Variants in SKOR2 observed in about 807,000 individuals in gnomAD.
SKOR2 encodes SKI family transcriptional corepressor 2.
SKOR2 carries 47 observed loss-of-function variants against 69.1 expected under a neutral mutation model. The observed-to-expected ratio is 0.68, with a 90% CI of 0.54 to 0.87. The LOEUF (loss-of-function observed/expected upper bound fraction) is 0.87, where lower values mean the gene tolerates loss of function less well. Ranked by LOEUF, SKOR2 falls within the 40% of genes least tolerant of loss-of-function variation. The pLI is 0.00. For missense variants in SKOR2, 1,404 were observed against 1,472.2 expected, an observed-to-expected ratio of 0.95 and a Z score of 0.76; for synonymous variants, 717 against 672.6, an observed-to-expected ratio of 1.07 and a Z score of -1.02.
In SKOR2 at chr18:47,234,311, A is replaced by C. The variant is rs559614662; in HGVS notation, c.2753-3311T>G. 5 of 152,120 alleles carry C rather than the reference A, an allele frequency of 3.3e-5. No homozygotes were observed. The East Asian group carries it at 5.8e-4, about 18-fold the overall frequency. 9.4% of individuals were successfully genotyped at this position (152,120 alleles called of 1,614,324 possible). On this transcript the variant is annotated intron_variant, in intron 4 of 8. Transcript: ENST00000425639. ...AATAAACGTGATTTAGTTGACAGTGAGCTCCCAATTTTTCTAAAAATTCCT... is the reference window on the plus strand; with the variant it reads ...AATAAACGTGATTTAGTTGACAGTGCGCTCCCAATTTTTCTAAAAATTCCT...
chr18:47,249,301 A>C (rs1419570129), intron 1 of SKOR2, 71 bp from the exon 2 acceptor site: 1 of 1,297,892 alleles, frequency 7.7e-7, no homozygotes, highest in Non-Finnish European at 1.0e-6. Context: ...ATGAATCGCT[A>C]ACCAAAGAAT....
chr18:47,229,321 C>T (rs1390077486), intron 6 of SKOR2, among the ~76,000 whole-genome samples: 7 of 152,028 alleles, frequency 4.6e-5, no homozygotes, highest in South Asian at 2.1e-4. Flanking sequence ...TAAAAAAGTG[C>T]CCTGGAAAAA....
chr18:47,228,215 C>G (rs938054630), intron 6 of SKOR2, among the ~76,000 whole-genome samples: 8 of 152,216 alleles, frequency 5.3e-5, no homozygotes, highest in African/African-American at 1.9e-4. Context: ...TGTATCTAAA[C>G]CACGCATTAT....
chr18:47,217,706 T>C (rs1224498773), intron 7 of SKOR2, among the ~76,000 whole-genome samples: 1 of 152,060 alleles, frequency 6.6e-6, no homozygotes, highest in Non-Finnish European at 1.5e-5. Flanking sequence ...CAGGAAAACC[T>C]TGGGCATCTA....
chr18:47,230,427 A>G (rs1568086493), intron 6 of SKOR2, 32 bp downstream of exon 6: 2 of 1,248,622 alleles, frequency 1.6e-6, no homozygotes, highest in South Asian at 2.1e-5. Flanking sequence ...ATCAATTATC[A>G]TAAATACAAT....
At position 47,247,125 on chromosome 18, in the gene SKOR2, C is replaced by G; in HGVS notation, c.2059G>C (p.Gly687Arg). The change falls in exon 2 of 9, where the codon GGT becomes CGT. Residue 687 changes from glycine to arginine, a missense_variant. Transcript: ENST00000425639. The surrounding 1 kb of genome is among the most constrained non-coding windows in gnomAD (Gnocchi z 6.6). ...LLLPPQPDEP[G>R]SERHHPAPPP... is the part of the protein sequence containing the mutation. The stretch of plus-strand genomic sequence containing the variant: ...GGGGCCGGGTGGTGGCGCTCGGAAC[C>G]CGGCTCGTCGGGCTGCGGGGGCAGC... 7.9e-7 allele frequency: 1 copy of G among 1,271,712 alleles called. No homozygotes were observed. The highest frequency in any genetic ancestry group is 9.8e-7 in the Non-Finnish European group (1 of 1,016,040). The allele number at this position is 1,271,712 out of a possible 1,614,324, so 78.8% of individuals were successfully genotyped here.
chr18:47,250,568 A>G (rs2064307970), intron 1 of SKOR2, among the ~76,000 whole-genome samples: 2 of 152,194 alleles, frequency 1.3e-5, no homozygotes, highest in South Asian at 2.1e-4. Flanking sequence ...TCGCTATTAC[A>G]GTGCTTTCAG....
In SKOR2 at chr18:47,246,842, A is replaced by G. The variant is rs1481680568; in HGVS notation, c.2342T>C (p.Leu781Ser). Residue 781 changes from leucine to serine, a missense_variant, in exon 2 of 9, where the codon TTA becomes TCA. Leu to Ser is a moderately radical substitution (Grantham distance 145). Transcript: ENST00000425639. ...CTGGAGGAACCGGCCGCCCCCGACT[A>G]AGGGGTCGCCGAGTAGGACCTCCGT... ...EETEVLLGDP[L>S]VGGGRFLQGR... 29 of 1,477,392 alleles carry G rather than the reference A, an allele frequency of 2.0e-5. No homozygotes were observed. The highest frequency in any genetic ancestry group is 2.6e-5 in the Non-Finnish European group (29 of 1,119,928). 91.5% of individuals were successfully genotyped at this position (1,477,392 alleles called of 1,614,324 possible).
At chr18:47,212,345 G>T (rs2064130446) in intron 7 of SKOR2, among the ~76,000 whole-genome samples, 194 bp from the exon 8 acceptor site, 1 of 152,208 alleles carries the variant, frequency 6.6e-6, no homozygotes, top group Non-Finnish European at 1.5e-5. Flanking sequence ...GTACAGTGAG[G>T]ACAGAACAGG....
Position 47,247,054 on chromosome 18 carries a change from G to A in SKOR2, c.2130C>T (p.His710=). 10 of 1,465,310 alleles carry A rather than the reference G, an allele frequency of 6.8e-6. No individual in the cohort carries two copies. Among genetic ancestry groups the A allele is most frequent in the South Asian group, 1.3e-5 (1 of 75,768 alleles). 90.8% of individuals were successfully genotyped at this position (1,465,310 alleles called of 1,614,324 possible). ...GAGACAGAAGGCCTCGGTGGTGCGGGTGCTGGGCCAGAGGGGGCGGCGGGG... is the reference window on the plus strand; with the variant it reads ...GAGACAGAAGGCCTCGGTGGTGCGGATGCTGGGCCAGAGGGGGCGGCGGGG... The part of the protein sequence containing the change: ...PPPPPPPLAQ[H]PHHRGLLSPG... The change falls in exon 2 of 9, where the codon CAC becomes CAT. Residue 710 remains histidine (H), a synonymous_variant. Transcript: ENST00000425639. This position sits in a 1 kb window ranked among gnomAD's most constrained non-coding sequence, Gnocchi z 6.6.
rs1230435057 is a variant in SKOR2, at chr18:47,247,022, C to T, written c.2162G>A (p.Gly721Glu). ...PHHRGLLSPG[G>E]TSCCYPSEDS... ...CTCGCTGGGGTAGCAGCAGCTGGTT[C>T]CCCCGGGAGACAGAAGGCCTCGGTG... is the stretch of plus-strand genomic sequence containing the variant. The change falls in exon 2 of 9, where the codon GGA becomes GAA. Residue 721 changes from glycine to glutamate, a missense_variant. Physicochemically the swap from Gly to Glu is moderately conservative, Grantham distance 98. Transcript: ENST00000425639. This position sits in a 1 kb window ranked among gnomAD's most constrained non-coding sequence, Gnocchi z 6.6. 1.3e-6 allele frequency: 2 copies of T among 1,490,608 alleles called. No homozygotes were observed. The highest frequency in any genetic ancestry group is 1.3e-5 in the South Asian group (1 of 79,320). The allele number at this position is 1,490,608 out of a possible 1,614,324, so 92.3% of individuals were successfully genotyped here.
At chr18:47,238,150 T>C (rs987196610) in intron 4 of SKOR2, among the ~76,000 whole-genome samples, 5 of 152,184 alleles carry the variant, frequency 3.3e-5, no homozygotes, top group African/African-American at 7.2e-5. Context: ...CCCAGTACTA[T>C]TGTTGACACT....
intron 8 of SKOR2, among the ~76,000 whole-genome samples, chr18:47,210,217 G>A (rs1311260265): frequency 6.6e-6 from 1 of 152,198 alleles, no homozygotes; most frequent in Non-Finnish European, 1.5e-5. Context: ...CATCGTTGGG[G>A]GTAGGGAGTG....
At chr18:47,241,509 C>T (rs528876636) in intron 4 of SKOR2, among the ~76,000 whole-genome samples, 26 of 152,116 alleles carry the variant, frequency 1.7e-4, no homozygotes, top group Non-Finnish European at 3.4e-4. Flanking sequence ...ACAAGCTAAT[C>T]TTTTCTAAAA....
intron 6 of SKOR2, among the ~76,000 whole-genome samples, chr18:47,223,787 C>T (rs1158588757): frequency 1.3e-5 from 2 of 151,930 alleles, no homozygotes; most frequent in African/African-American, 4.8e-5. Context: ...TTTTTGTTTC[C>T]TTTCCTTTTT....
chr18:47,250,619 T>G (rs2064308223), intron 1 of SKOR2, among the ~76,000 whole-genome samples: 1 of 152,202 alleles, frequency 6.6e-6, no homozygotes, highest in African/African-American at 2.4e-5. Context: ...TTCTTATCCG[T>G]GTCCTCTCTC....
At chr18:47,238,465 G>T (rs748740629) in intron 4 of SKOR2, among the ~76,000 whole-genome samples, 2 of 151,558 alleles carry the variant, frequency 1.3e-5, no homozygotes, top group Non-Finnish European at 2.9e-5. Flanking sequence ...TGGGATTACA[G>T]GTGGCTGCCA....
rs919313686 is a variant in SKOR2, at chr18:47,221,362, G to A, written c.2918-1352C>T. Among the ~76,000 whole-genome samples the A allele has an allele frequency of 2.0e-5, 3 of 152,156 alleles. No individual in the cohort carries two copies. In the South Asian group the frequency reaches 6.2e-4, roughly 32 times the overall value. On this transcript the variant is annotated intron_variant, in intron 6 of 8. Coordinates refer to ENST00000425639, the MANE Select transcript of SKOR2 (RefSeq NM_001278063.4). The stretch of plus-strand genomic sequence containing the variant: ...GTCATTCATTCTGGGAACATTAGAG[G>A]GGAGAGCTGCTTGAGCAGACACGTG...
intron 6 of SKOR2, among the ~76,000 whole-genome samples, chr18:47,228,159 T>C (rs1226404237): frequency 1.3e-5 from 2 of 152,240 alleles, no homozygotes; most frequent in Non-Finnish European, 2.9e-5. Context: ...GCACATAATG[T>C]GCATTTGCTA....
Sources: allele counts gnomAD v4.1 joint callset (sites outside exome capture counted in the v4.1 genomes callset), GRCh38; gene constraint gnomAD v4.1.1; non-coding constraint Gnocchi (gnomAD v3.1); transcripts MANE v1.5; gene names NCBI Gene and HGNC (gene_info 2026-07-23, HGNC 2026-07-21).